Variants in TSPAN5 observed in about 807,000 individuals in gnomAD.
The protein encoded by TSPAN5 is tetraspanin-5.
Under a neutral mutation model 37.1 loss-of-function variants are expected in TSPAN5, and 10 were observed. The observed-to-expected ratio is 0.27, with a 90% CI of 0.17 to 0.46. The LOEUF is 0.46. Among genes scored for constraint, TSPAN5 ranks in the 20% least tolerant of loss-of-function variants. The pLI is 1.00. For missense variants in TSPAN5, 195 were observed against 326.6 expected (o/e 0.60, Z 3.11); for synonymous variants, 110 against 118.9 (o/e 0.93, Z 0.48).
chr4:98,566,519 A>G (rs539259734), intron 1 of TSPAN5, among the ~76,000 whole-genome samples: 2 of 152,366 alleles, frequency 1.3e-5, no homozygotes, highest in East Asian at 3.9e-4. Context: ...TTCCAGTGTC[A>G]GGCCAGAGCC....
chr4:98,473,584 C>T (rs1239152766), intron 7 of TSPAN5, among the ~76,000 whole-genome samples: 1 of 151,944 alleles, frequency 6.6e-6, no homozygotes, highest in African/African-American at 2.4e-5. Context: ...CTCAGCCTCC[C>T]GAGTAGCTGG....
At chr4:98,644,214 G>A (rs1164996900) in intron 1 of TSPAN5, among the ~76,000 whole-genome samples, 1 of 152,058 alleles carries the variant, frequency 6.6e-6, no homozygotes, top group African/African-American at 2.4e-5. Context: ...TCCTAAGGGG[G>A]AAAGGCCGGT....
chr4:98,582,976 A>G (rs1303926395), intron 1 of TSPAN5, among the ~76,000 whole-genome samples: 2 of 152,238 alleles, frequency 1.3e-5, no homozygotes, highest in African/African-American at 4.8e-5. Flanking sequence ...GGTACCGTAT[A>G]AAAGCACTGG....
chr4:98,609,781 G>C (rs938161248), intron 1 of TSPAN5, among the ~76,000 whole-genome samples: 2 of 152,292 alleles, frequency 1.3e-5, no homozygotes, highest in Admixed American at 6.5e-5. Context: ...GAGGCAAGAA[G>C]ACCCCACACC....
intron 1 of TSPAN5, among the ~76,000 whole-genome samples, chr4:98,580,485 A>C (rs1274349684): frequency 2.0e-5 from 3 of 152,178 alleles, no homozygotes; most frequent in Non-Finnish European, 4.4e-5. Context: ...CACCAGCTTC[A>C]ATCTTCCTTC....
intron 1 of TSPAN5, among the ~76,000 whole-genome samples, chr4:98,615,794 G>A (rs1328642290): frequency 6.6e-6 from 1 of 152,154 alleles, no homozygotes; most frequent in East Asian, 1.9e-4. Flanking sequence ...GACATGTTTA[G>A]TTAATGCCTT....
At chr4:98,481,906 A>G in intron 4 of TSPAN5, 99 bp downstream of exon 4, 1 of 1,155,666 alleles carries the variant, frequency 8.7e-7, no homozygotes, top group Non-Finnish European at 1.3e-6. Context: ...ATAGTCAGGT[A>G]GTTTCCAGCT....
intron 1 of TSPAN5, among the ~76,000 whole-genome samples, chr4:98,643,015 T>C (rs991227843): frequency 4.6e-5 from 7 of 152,228 alleles, no homozygotes; most frequent in African/African-American, 1.4e-4. Flanking sequence ...AGTGTTAATG[T>C]AGTCTGCATT....
chr4:98,488,101 T>A (rs1354796587), intron 2 of TSPAN5, among the ~76,000 whole-genome samples: 1 of 152,184 alleles, frequency 6.6e-6, no homozygotes, highest in East Asian at 1.9e-4. Flanking sequence ...GAAGCAATCA[T>A]CTGATTTTAT....
intron 1 of TSPAN5, among the ~76,000 whole-genome samples, chr4:98,627,422 A>C (rs1316053162): frequency 6.6e-6 from 1 of 152,166 alleles, no homozygotes; most frequent in Non-Finnish European, 1.5e-5. Flanking sequence ...GGAAAAAAAA[A>C]ACACAAAAGG....
intron 1 of TSPAN5, among the ~76,000 whole-genome samples, chr4:98,576,852 C>T (rs1167120192): frequency 3.9e-5 from 6 of 152,170 alleles, no homozygotes; most frequent in African/African-American, 1.4e-4. Context: ...CTCCACCTCC[C>T]GTGTTCAAGT....
chr4:98,655,422 CA>C (rs1579059218), intron 1 of TSPAN5, among the ~76,000 whole-genome samples: 1 of 152,202 alleles, frequency 6.6e-6, no homozygotes, highest in East Asian at 1.9e-4. Flanking sequence ...TTCAATTTAA[CA>C]GCTGAGAAAC....
chr4:98,563,861 G>A (rs559748845), intron 1 of TSPAN5, among the ~76,000 whole-genome samples: 5 of 152,244 alleles, frequency 3.3e-5, no homozygotes, highest in African/African-American at 1.2e-4. Flanking sequence ...GGGTGCACTG[G>A]CATCTAGTGG....
At chr4:98,473,334 A>C (rs2110250520) in intron 7 of TSPAN5, among the ~76,000 whole-genome samples, 1 of 152,242 alleles carries the variant, frequency 6.6e-6, no homozygotes. Flanking sequence ...CCTTGCCGAT[A>C]CTTGTTATTG....
chr4:98,550,347 G>T (rs1199953597), intron 1 of TSPAN5, among the ~76,000 whole-genome samples: 1 of 152,070 alleles, frequency 6.6e-6, no homozygotes, highest in Non-Finnish European at 1.5e-5. Flanking sequence ...TTTTGCTTAG[G>T]ATTGCTTTGG....
At position 98,525,458 on chromosome 4, in the gene TSPAN5, G is replaced by C. The variant is rs1316893396; in HGVS notation, c.82-17730C>G. ...GAGTGTGGATGTGTGATGGAATGGT[G>C]TCCTGTCTAGGGTGGGTCCCTGCCT... On this transcript the variant is annotated intron_variant, in intron 1 of 7. Coordinates refer to ENST00000305798, the MANE Select transcript of TSPAN5 (RefSeq NM_005723.4). 2.0e-5 allele frequency among the ~76,000 whole-genome samples: 3 copies of C among 152,330 alleles called. No homozygotes were observed. In the East Asian group the frequency reaches 5.8e-4, roughly 29 times the overall value.
intron 1 of TSPAN5, among the ~76,000 whole-genome samples, chr4:98,543,435 A>G (rs1255126568): frequency 4.8e-5 from 6 of 126,128 alleles, no homozygotes; most frequent in Non-Finnish European, 8.3e-5. Context: ...TTTTTTTTTG[A>G]GATGAAGTCT....
intron 2 of TSPAN5, among the ~76,000 whole-genome samples, chr4:98,506,530 T>C (rs1753481078): frequency 6.6e-6 from 1 of 152,260 alleles, no homozygotes; most frequent in African/African-American, 2.4e-5. Flanking sequence ...AGTTTTGTTT[T>C]ATATGGTCTG....
intron 1 of TSPAN5, among the ~76,000 whole-genome samples, chr4:98,599,409 A>G (rs1483598685): frequency 6.6e-6 from 1 of 152,224 alleles, no homozygotes; most frequent in Non-Finnish European, 1.5e-5. Flanking sequence ...AAATGTCTTT[A>G]CTTTTTAAAA....
Sources: allele counts gnomAD v4.1 joint callset (sites outside exome capture counted in the v4.1 genomes callset), GRCh38; gene constraint gnomAD v4.1.1; transcripts MANE v1.5; gene names NCBI Gene and HGNC (gene_info 2026-07-23, HGNC 2026-07-21).